MLLT10: variants seen among roughly 807,000 people sequenced by gnomAD.
The protein encoded by MLLT10 is MLLT10 histone lysine methyltransferase DOT1L cofactor.
MLLT10 carries 30 observed loss-of-function variants against 129.1 expected under a neutral mutation model. The ratio of observed to expected loss-of-function variants is 0.23; its 90% CI spans 0.17 to 0.32. The LOEUF is 0.32. Among genes scored for constraint, MLLT10 ranks in the 10% least tolerant of loss-of-function variants. MLLT10 has a pLI of 1.00. For missense variants in MLLT10, 1,119 were observed against 1,268.3 expected (o/e 0.88, Z 1.79); for synonymous variants, 490 against 446.4 (o/e 1.10, Z -1.23).
chr10:21,658,190 A>G (rs769931853), intron 9 of MLLT10, among the ~76,000 whole-genome samples: 3 of 152,212 alleles, frequency 2.0e-5, no homozygotes, highest in Non-Finnish European at 4.4e-5. Context: ...ACATTTTGAC[A>G]TATGTACACA....
intron 8 of MLLT10, among the ~76,000 whole-genome samples, chr10:21,631,684 T>G (rs1328442298): frequency 3.3e-5 from 5 of 151,836 alleles, no homozygotes; most frequent in Non-Finnish European, 7.4e-5. Flanking sequence ...AGAGGGAAAG[T>G]TTGAAACTGC....
chr10:21,586,219 T>G, intron 3 of MLLT10, 75 bp from the exon 4 acceptor site: 1 of 1,154,586 alleles, frequency 8.7e-7, no homozygotes, highest in Non-Finnish European at 1.3e-6. Context: ...TCAGTAGTTT[T>G]GACGTTGCAG....
intron 6 of MLLT10, among the ~76,000 whole-genome samples, chr10:21,614,092 C>T (rs531815145): frequency 6.6e-6 from 1 of 151,640 alleles, no homozygotes; most frequent in South Asian, 2.1e-4. Flanking sequence ...ATGGTGTACT[C>T]CTGTAGTCCC....
rs200213450 is a variant in MLLT10 at position 21,715,184 on chromosome 10, C to T, written c.1878+1234C>T. 2.2e-4 allele frequency among the ~76,000 whole-genome samples: 34 copies of T among 152,196 alleles called. No individual in the cohort carries two copies. In the East Asian group the frequency reaches 3.9e-3, roughly 17 times the overall value. On this transcript the variant is annotated intron_variant, in intron 14 of 22. Coordinates refer to ENST00000307729, the MANE Select transcript of MLLT10 (RefSeq NM_001195626.3). The stretch of plus-strand genomic sequence containing the variant: ...TTGTTAGGATATATATACGCTTTTC[C>T]GGCAAGCACAATGTTAGGTTATTTT...
rs1202448604 is a variant in MLLT10 at position 21,717,441 on chromosome 10, G to GA, written c.1878+3497dup. The stretch of plus-strand genomic sequence containing the variant: ...GTCTGATAGCAGCATACATTTTGGG[G>GA]AAAAAACCTTTAAAAAACTGTTTGA... On this transcript the variant is annotated intron_variant, in intron 14 of 22. Coordinates refer to ENST00000307729, the MANE Select transcript of MLLT10 (RefSeq NM_001195626.3). Among the ~76,000 whole-genome samples the GA allele has an allele frequency of 1.1e-4, 17 of 149,544 alleles. No homozygotes were observed. The East Asian group carries it at 1.8e-3, about 16-fold the overall frequency.
At chr10:21,618,868 G>A (rs746354351) in intron 8 of MLLT10, among the ~76,000 whole-genome samples, 2 of 152,008 alleles carry the variant, frequency 1.3e-5, no homozygotes, top group Non-Finnish European at 2.9e-5. Flanking sequence ...TAGTAGCTAG[G>A]ATTACAGGCA....
At chr10:21,596,284 T>G (rs1490642735) in intron 5 of MLLT10, among the ~76,000 whole-genome samples, 4 of 152,202 alleles carry the variant, frequency 2.6e-5, no homozygotes, top group African/African-American at 7.2e-5. Context: ...CTTATATTTT[T>G]TCTTTGCTTT....
At chr10:21,715,318 C>T (rs190658028) in intron 14 of MLLT10, among the ~76,000 whole-genome samples, 1 of 152,170 alleles carries the variant, frequency 6.6e-6, no homozygotes, top group African/African-American at 2.4e-5. Flanking sequence ...TTAGTAGTAT[C>T]GTCTTTGAAG....
In MLLT10 at chr10:21,734,106, A is replaced by T; in HGVS notation, c.2835A>T (p.Pro945=). 6.2e-7 allele frequency: 1 copy of T among 1,611,282 alleles called. No individual in the cohort carries two copies. The highest frequency in any genetic ancestry group is 8.5e-7 in the Non-Finnish European group (1 of 1,178,196). The change falls in exon 20 of 23, where the codon CCA becomes CCT. Residue 945 remains proline (P), a synonymous_variant. Coordinates refer to ENST00000307729, the MANE Select transcript of MLLT10 (RefSeq NM_001195626.3). ...HTTVPPNATH[P]MPATLTNSAS... ...CCGTACCACCTAATGCAACACATCC[A>T]ATGCCAGCTACACTGACTAACAGGT...
chr10:21,709,976 A>G (rs886442028), intron 13 of MLLT10, among the ~76,000 whole-genome samples: 6 of 152,152 alleles, frequency 3.9e-5, no homozygotes, highest in Non-Finnish European at 8.8e-5. Context: ...CCTGGGCTCA[A>G]AGAGATCTGC....
chr10:21,642,567 G>A (rs1191325876), intron 8 of MLLT10, among the ~76,000 whole-genome samples: 3 of 147,552 alleles, frequency 2.0e-5, no homozygotes, highest in African/African-American at 7.5e-5. Flanking sequence ...TGAGGCAGGA[G>A]AATTGCTTGA....
intron 5 of MLLT10, among the ~76,000 whole-genome samples, chr10:21,607,761 A>G (rs1413386597): frequency 6.6e-6 from 1 of 152,252 alleles, no homozygotes; most frequent in African/African-American, 2.4e-5. Flanking sequence ...GAGAAGAATG[A>G]AGAAGAAATA....
At chr10:21,728,480 G>A (rs2057692099) in intron 16 of MLLT10, among the ~76,000 whole-genome samples, 1 of 152,188 alleles carries the variant, frequency 6.6e-6, no homozygotes, top group African/African-American at 2.4e-5. Flanking sequence ...TTATCAAACT[G>A]CATATTCCTT....
chr10:21,608,280 T>C (rs1179752455), intron 5 of MLLT10, among the ~76,000 whole-genome samples: 3 of 151,496 alleles, frequency 2.0e-5, no homozygotes, highest in Non-Finnish European at 4.4e-5. Context: ...AGCCATCCTC[T>C]CACCTCAGCT....
At chr10:21,668,105 A>T (rs1181272073) in intron 9 of MLLT10, among the ~76,000 whole-genome samples, 1 of 152,160 alleles carries the variant, frequency 6.6e-6, no homozygotes, top group Non-Finnish European at 1.5e-5. Flanking sequence ...TCAGTAGAGC[A>T]CCAAATGAAG....
intron 3 of MLLT10, among the ~76,000 whole-genome samples, chr10:21,540,896 G>A (rs975502132): frequency 2.0e-5 from 3 of 152,078 alleles, no homozygotes; most frequent in Admixed American, 6.5e-5. Flanking sequence ...GCTGTGGCTC[G>A]TGCTTGTAAT....
chr10:21,586,242 A>G, intron 3 of MLLT10, 52 bp from the exon 4 acceptor site: 2 of 1,416,522 alleles, frequency 1.4e-6, no homozygotes, highest in African/African-American at 1.4e-5. Context: ...AAGATACTAC[A>G]TTTTTGATAA....
chr10:21,742,124 T>A lies in MLLT10; in HGVS notation c.*141T>A. 1.4e-6 allele frequency: 1 copy of A among 720,646 alleles called. No homozygotes were observed. Among genetic ancestry groups the A allele is most frequent in the Non-Finnish European group, 2.3e-6 (1 of 437,618 alleles). The allele number at this position is 720,646 out of a possible 1,614,324, so 44.6% of individuals were successfully genotyped here. On this transcript the variant is annotated 3_prime_UTR_variant, in exon 23 of 23. Coordinates refer to ENST00000307729, the MANE Select transcript of MLLT10 (RefSeq NM_001195626.3). ...CAAAGGATTAATTGCTGCAAGGACA[T>A]TCTTGTAAGGCTTTGATTAGTTTTC...
intron 13 of MLLT10, among the ~76,000 whole-genome samples, chr10:21,703,787 G>A (rs1223071535): frequency 1.3e-4 from 19 of 151,354 alleles, no homozygotes; most frequent in African/African-American, 4.4e-4. Flanking sequence ...TTTGTGATCC[G>A]CCCGCCTCAG....
Sources: allele counts gnomAD v4.1 joint callset (sites outside exome capture counted in the v4.1 genomes callset), GRCh38; gene constraint gnomAD v4.1.1; transcripts MANE v1.5; gene names NCBI Gene and HGNC (gene_info 2026-07-23, HGNC 2026-07-21).